The following PHGDH variants were observed in gnomAD, a reference collection of about 807,000 sequenced individuals.
The protein encoded by PHGDH is phosphoglycerate dehydrogenase, also known as D-3-phosphoglycerate dehydrogenase.
A neutral mutation model predicts 52.6 loss-of-function variants in PHGDH; 50 were observed. That is an observed-to-expected ratio of 0.95 (90% confidence interval 0.76 to 1.20). The LOEUF is 1.20. Ranked by LOEUF, PHGDH falls within the 50% of genes most tolerant of loss-of-function variation. The pLI is 0.00. For missense variants in PHGDH, 630 were observed against 684.6 expected, an observed-to-expected ratio of 0.92 and a Z score of 0.89; for synonymous variants, 271 against 280.5, an observed-to-expected ratio of 0.97 and a Z score of 0.34.
At chr1:119,741,059 G>C (rs1179217423) in intron 9 of PHGDH, among the ~76,000 whole-genome samples, 4 of 152,198 alleles carry the variant, frequency 2.6e-5, no homozygotes, top group Non-Finnish European at 5.9e-5. Context: ...GCCGTGGAGT[G>C]GGAATGAGAA....
At chr1:119,742,731 G>C in intron 10 of PHGDH, 76 bp from the exon 11 acceptor site, 1 of 875,836 alleles carries the variant, frequency 1.1e-6, no homozygotes, top group Admixed American at 2.0e-5. Context: ...CCTACCAATG[G>C]GTGATTTGGC....
At chr1:119,722,333 C>A (rs1651204754) in intron 2 of PHGDH, among the ~76,000 whole-genome samples, 1 of 152,266 alleles carries the variant, frequency 6.6e-6, no homozygotes, top group South Asian at 2.1e-4. Flanking sequence ...ACCTTATTAA[C>A]CTTCATTCCA....
chr1:119,741,846 G>T lies in PHGDH; in HGVS notation c.1158G>T (p.Ala386=), dbSNP rs144484007. 4.0e-4 allele frequency: 638 copies of T among 1,613,850 alleles called. 2 individuals are homozygous for T. In the African/African-American group the frequency reaches 8.0e-3, roughly 20 times the overall value. ...TCCTGAAAGAGGCTTCCAAGCAGGC[G>T]GATGTGAACTTGGTGAACGCTAAGC... is the stretch of plus-strand genomic sequence containing the variant. ...VGLLKEASKQ[A]DVNLVNAKLL... Residue 386 remains alanine (A), a synonymous_variant, in exon 10 of 12, where the codon GCG becomes GCT. Transcript: ENST00000641023.
chr1:119,740,352 C>T (rs1225703551), intron 8 of PHGDH, 34 bp from the exon 9 acceptor site: 4 of 1,613,608 alleles, frequency 2.5e-6, no homozygotes, highest in Non-Finnish European at 2.5e-6. Context: ...CATGCCTCTT[C>T]CTGACCACAG....
intron 3 of PHGDH, among the ~76,000 whole-genome samples, chr1:119,726,466 C>T (rs1651420111): frequency 6.6e-6 from 1 of 152,028 alleles, no homozygotes; most frequent in African/African-American, 2.4e-5. Context: ...CAAAATAATT[C>T]CTTGAGCTTC....
At position 119,735,276 on chromosome 1, in the gene PHGDH, A is replaced by C; in HGVS notation, c.644-19A>C. 1.2e-6 allele frequency: 2 copies of C among 1,614,140 alleles called. No individual in the cohort carries two copies. The highest frequency in any genetic ancestry group is 1.7e-6 in the Non-Finnish European group (2 of 1,180,030). Reference sequence around the variant, plus strand: ...ATCCTGGTGCTGCCCCAGCAGGAAGATGCTTCGCTTTCTTCCAGGCTTGCT... The same window carrying C: ...ATCCTGGTGCTGCCCCAGCAGGAAGCTGCTTCGCTTTCTTCCAGGCTTGCT... On this transcript the variant is annotated intron_variant, in intron 6 of 11. Transcript: ENST00000641023.
intron 10 of PHGDH, 75 bp from the exon 11 acceptor site, chr1:119,742,732 G>A: frequency 1.1e-6 from 1 of 884,254 alleles, no homozygotes; most frequent in South Asian, 1.4e-5. Flanking sequence ...CTACCAATGG[G>A]TGATTTGGCC....
chr1:119,734,931 G>T (rs1173898399), intron 6 of PHGDH, 165 bp downstream of exon 6: 1 of 783,850 alleles, frequency 1.3e-6, no homozygotes, highest in Non-Finnish European at 2.2e-6. Context: ...ACGTTGGATA[G>T]GGGAGGGTGA....
chr1:119,742,979 G>C lies in PHGDH; in HGVS notation c.1382G>C (p.Arg461Thr). The change falls in exon 11 of 12, where the codon AGG becomes ACG. Residue 461 changes from arginine to threonine, a missense_variant. Arg to Thr is a moderately conservative substitution (Grantham distance 71). Transcript: ENST00000641023. ...AVFRPEVPLR[R>T]DLPLLLFRTQ... is the part of the protein sequence containing the mutation. ...TTCAGGCCAGAAGTGCCTCTCCGCA[G>C]GGACCTGCCCCTGCTCCTATTCCGG... is the stretch of plus-strand genomic sequence containing the variant. 1 of 1,614,218 alleles carries C rather than the reference G, an allele frequency of 6.2e-7. No individual in the cohort carries two copies. Among genetic ancestry groups the C allele is most frequent in the Non-Finnish European group, 8.5e-7 (1 of 1,180,000 alleles).
chr1:119,724,411 G>T (rs1651305016), intron 3 of PHGDH: 1 of 243,364 alleles, frequency 4.1e-6, no homozygotes, highest in Non-Finnish European at 8.1e-6. Flanking sequence ...ATTTACCTCT[G>T]CTCTAACTCC....
chr1:119,737,816 C>T (rs1349977491), intron 8 of PHGDH, among the ~76,000 whole-genome samples: 1 of 152,196 alleles, frequency 6.6e-6, no homozygotes, highest in Non-Finnish European at 1.5e-5. Flanking sequence ...CTGGCATGTG[C>T]GTCTCCTACG....
At chr1:119,732,044 TTG>T (rs1191653256) in intron 5 of PHGDH, among the ~76,000 whole-genome samples, 1 of 152,220 alleles carries the variant, frequency 6.6e-6, no homozygotes, top group Non-Finnish European at 1.5e-5. Context: ...ATTTTTATAT[TTG>T]GGTCTCTGTT....
intron 5 of PHGDH, among the ~76,000 whole-genome samples, chr1:119,733,029 C>T (rs932438806): frequency 3.3e-5 from 5 of 152,252 alleles, no homozygotes; most frequent in Non-Finnish European, 5.9e-5. Flanking sequence ...TGGCAGGGAT[C>T]CCATCTCCTC....
chr1:119,724,030 T>C (rs1241252526), intron 3 of PHGDH, among the ~76,000 whole-genome samples: 1 of 152,148 alleles, frequency 6.6e-6, no homozygotes, highest in African/African-American at 2.4e-5. Context: ...GCAAGACTCT[T>C]GCTCTTCTAG....
intron 2 of PHGDH, 93 bp downstream of exon 2, chr1:119,721,414 C>T: frequency 7.7e-7 from 1 of 1,305,560 alleles, no homozygotes; most frequent in East Asian, 2.3e-5. Context: ...TGAGAGAAAG[C>T]TGAGTCCATT....
chr1:119,735,537 T>G, intron 7 of PHGDH, 94 bp downstream of exon 7: 1 of 1,245,434 alleles, frequency 8.0e-7, no homozygotes, highest in South Asian at 1.2e-5. Context: ...ACAGAAAGCC[T>G]CTAGCTTATT....
chr1:119,712,294 T>G, intron 1 of PHGDH, 134 bp downstream of exon 1: 17 of 620,576 alleles, frequency 2.7e-5, no homozygotes, highest in East Asian at 4.2e-5. Flanking sequence ...GATTGGGGGG[T>G]AGAGAAGAAC....
intron 2 of PHGDH, among the ~76,000 whole-genome samples, chr1:119,722,188 A>G (rs1301705131): frequency 6.6e-6 from 1 of 152,124 alleles, no homozygotes; most frequent in Non-Finnish European, 1.5e-5. Context: ...CCAGGCCCCA[A>G]TCTCTGCACC....
intron 5 of PHGDH, among the ~76,000 whole-genome samples, chr1:119,731,133 C>T (rs1268314319): frequency 6.6e-6 from 1 of 152,138 alleles, no homozygotes; most frequent in Non-Finnish European, 1.5e-5. Flanking sequence ...GTGTGGTTGT[C>T]AGTGGCATAG....
Sources: allele counts gnomAD v4.1 joint callset (sites outside exome capture counted in the v4.1 genomes callset), GRCh38; gene constraint gnomAD v4.1.1; transcripts MANE v1.5; gene names NCBI Gene and HGNC (gene_info 2026-07-23, HGNC 2026-07-21).